Variants in LINGO2 observed in about 807,000 individuals in gnomAD.
The protein encoded by LINGO2 is leucine-rich repeat and immunoglobulin-like domain-containing nogo receptor-interacting protein 2.
Under a neutral mutation model 30.6 loss-of-function variants are expected in LINGO2, and 14 were observed. The ratio of observed to expected loss-of-function variants is 0.46; its 90% CI spans 0.30 to 0.72. LINGO2 has a LOEUF of 0.72. Among genes scored for constraint, LINGO2 ranks in the 30% least tolerant of loss-of-function variants. LINGO2 has a pLI of 0.07. For synonymous variants in LINGO2, 317 were observed against 288.5 expected, an observed-to-expected ratio of 1.10 and a Z score of -1.00; for missense variants, 729 against 751.7, an observed-to-expected ratio of 0.97 and a Z score of 0.35.
intron 2 of LINGO2, among the ~76,000 whole-genome samples, chr9:28,382,693 T>C (rs772126059): frequency 6.6e-6 from 1 of 152,072 alleles, no homozygotes; most frequent in Non-Finnish European, 1.5e-5. Context: ...TAAAGCATGG[T>C]GGTCAAAAAT....
At chr9:29,092,961 G>A in the LINGO2 span, among the ~76,000 whole-genome samples, 1 of 128,468 alleles carries the variant, frequency 7.8e-6, no homozygotes, top group Admixed American at 8.3e-5. Context: ...CATAAGATAT[G>A]CCATAATTTT....
At chr9:28,099,489 C>T (rs941687641) in intron 4 of LINGO2, among the ~76,000 whole-genome samples, 30 of 152,172 alleles carry the variant, frequency 2.0e-4, no homozygotes, top group African/African-American at 7.2e-4. Flanking sequence ...TACATAGAAT[C>T]AATGAAGAGT....
At chr9:27,986,438 T>C (rs146058073) in intron 5 of LINGO2, among the ~76,000 whole-genome samples, 29 of 151,898 alleles carry the variant, frequency 1.9e-4, no homozygotes, top group Non-Finnish European at 3.7e-4. Flanking sequence ...GCCATTACAG[T>C]AGTGAATTTA....
chr9:28,236,677 A>T (rs1821577811), intron 4 of LINGO2, among the ~76,000 whole-genome samples: 1 of 152,202 alleles, frequency 6.6e-6, no homozygotes, highest in Non-Finnish European at 1.5e-5. Context: ...AGATCTTAAA[A>T]ATCAAAACAA....
At chr9:28,326,007 CTTTTG>C (rs770303111) in intron 3 of LINGO2, among the ~76,000 whole-genome samples, 1 of 152,014 alleles carries the variant, frequency 6.6e-6, no homozygotes, top group Non-Finnish European at 1.5e-5. Context: ...TACATACAAA[CTTTTG>C]TTTTGTTTTG....
chr9:28,547,189 G>A (rs1328975655), intron 1 of LINGO2, among the ~76,000 whole-genome samples: 1 of 152,004 alleles, frequency 6.6e-6, no homozygotes, highest in African/African-American at 2.4e-5. Flanking sequence ...TTGTGAAATC[G>A]AGTATTCTCC....
the LINGO2 span, among the ~76,000 whole-genome samples, chr9:28,947,747 C>T: frequency 1.2e-3 from 181 of 151,198 alleles, 1 homozygote; most frequent in African/African-American, 4.2e-3. Flanking sequence ...TATACATTTC[C>T]TTTATATATA....
intron 1 of LINGO2, among the ~76,000 whole-genome samples, chr9:28,481,165 T>G (rs1000585136): frequency 8.5e-5 from 13 of 152,308 alleles, no homozygotes; most frequent in Non-Finnish European, 1.3e-4. Flanking sequence ...TGGGCTCATT[T>G]CCTATGTGCA....
At chr9:28,993,418 G>A in the LINGO2 span, among the ~76,000 whole-genome samples, 2 of 152,144 alleles carry the variant, frequency 1.3e-5, no homozygotes, top group Admixed American at 1.3e-4. Context: ...TGGAATCATA[G>A]CCGAATTCTA....
intron 2 of LINGO2, among the ~76,000 whole-genome samples, chr9:28,375,709 C>T (rs1310421636): frequency 6.6e-6 from 1 of 152,058 alleles, no homozygotes; most frequent in African/African-American, 2.4e-5. Context: ...GGTCTAGGAA[C>T]GAAGGGGAAA....
intron 4 of LINGO2, among the ~76,000 whole-genome samples, chr9:28,066,457 C>T (rs991868325): frequency 1.3e-5 from 2 of 152,050 alleles, no homozygotes; most frequent in Admixed American, 1.3e-4. Flanking sequence ...CTCCACTGGG[C>T]TCTTTGTGGT....
At chr9:28,490,521 G>T in intron 1 of LINGO2, among the ~76,000 whole-genome samples, 1 of 152,132 alleles carries the variant, frequency 6.6e-6, no homozygotes, top group East Asian at 1.9e-4. Flanking sequence ...TAAATACAGT[G>T]AGTGCTAAAG....
the LINGO2 span, among the ~76,000 whole-genome samples, chr9:29,197,175 G>A: frequency 3.9e-5 from 6 of 151,930 alleles, no homozygotes; most frequent in Admixed American, 3.9e-4. Flanking sequence ...GATTTCTGGT[G>A]TTCAGAAATG....
At chr9:28,186,535 G>A (rs1474248581) in intron 4 of LINGO2, among the ~76,000 whole-genome samples, 3 of 152,094 alleles carry the variant, frequency 2.0e-5, no homozygotes, top group East Asian at 1.9e-4. Flanking sequence ...AAATATAAGA[G>A]TGTTTATAAT....
chr9:29,117,229 T>C, the LINGO2 span, among the ~76,000 whole-genome samples: 1 of 152,116 alleles, frequency 6.6e-6, no homozygotes, highest in Non-Finnish European at 1.5e-5. Flanking sequence ...GGAAGCAGGA[T>C]AGGGCAGGGA....
the LINGO2 span, among the ~76,000 whole-genome samples, chr9:28,759,430 C>A: frequency 6.6e-6 from 1 of 152,050 alleles, no homozygotes; most frequent in Non-Finnish European, 1.5e-5. Flanking sequence ...CACCTGTAAT[C>A]CCAGAACTTT....
the LINGO2 span, among the ~76,000 whole-genome samples, chr9:29,102,135 G>A: frequency 1.3e-5 from 2 of 151,412 alleles, no homozygotes; most frequent in African/African-American, 4.9e-5. Context: ...AGGTTGGAGA[G>A]CAGTGGCGCA....
chr9:28,274,071 A>G (rs1478609964), intron 4 of LINGO2, among the ~76,000 whole-genome samples: 1 of 152,178 alleles, frequency 6.6e-6, no homozygotes, highest in Non-Finnish European at 1.5e-5. Context: ...TTTGAGAGCT[A>G]AAATGGAGTT....
chr9:28,420,704 C>G (rs1272279564), intron 2 of LINGO2, among the ~76,000 whole-genome samples: 1 of 152,062 alleles, frequency 6.6e-6, no homozygotes, highest in African/African-American at 2.4e-5. Flanking sequence ...AGAGAATAGG[C>G]ATAAATTCTG....
Sources: gnomAD v4.1 joint callset for allele counts (sites outside exome capture counted in the v4.1 genomes callset) on GRCh38, gnomAD v4.1.1 for gene constraint, MANE v1.5 for transcripts, NCBI Gene and HGNC (gene_info 2026-07-23, HGNC 2026-07-21) for gene names.